CEP63: variants seen among roughly 807,000 people sequenced by gnomAD.
CEP63 encodes centrosomal protein of 63 kDa.
A neutral mutation model predicts 89.1 loss-of-function variants in CEP63; 84 were observed. That is an observed-to-expected ratio of 0.94 (90% CI 0.79 to 1.13). The LOEUF (loss-of-function observed/expected upper bound fraction) is 1.13. CEP63 is among the 50% of genes most tolerant of loss of function. CEP63 has a pLI of 0.00. For missense variants in CEP63, 838 were observed against 813.3 expected (o/e 1.03, Z -0.37); for synonymous variants, 267 against 272.5 (o/e 0.98, Z 0.20).
At chr3:134,625,589 G>C in the CEP63 span, among the ~76,000 whole-genome samples, 1 of 152,236 alleles carries the variant, frequency 6.6e-6, no homozygotes, top group Non-Finnish European at 1.5e-5. Flanking sequence ...CTGTGCCACA[G>C]CCACGGCCCT....
chr3:134,757,486 G>A, the CEP63 span, among the ~76,000 whole-genome samples: 145,804 of 152,314 alleles, frequency 0.96, 70,062 homozygotes, highest in East Asian at 1. Flanking sequence ...CTGCAATTCA[G>A]TAATACTTAT....
intron 8 of CEP63, 141 bp downstream of exon 8, chr3:134,546,429 G>C: frequency 4.0e-6 from 3 of 758,604 alleles, no homozygotes; most frequent in Non-Finnish European, 2.0e-6. Context: ...TGCAATCTCA[G>C]CTCACTGCAA....
the CEP63 span, among the ~76,000 whole-genome samples, chr3:134,754,696 T>C: frequency 6.6e-6 from 1 of 152,210 alleles, no homozygotes; most frequent in Non-Finnish European, 1.5e-5. Context: ...ATTTTCTGTG[T>C]TCTACAAAGT....
the CEP63 span, among the ~76,000 whole-genome samples, chr3:134,694,091 C>A: frequency 4.6e-4 from 70 of 152,340 alleles, no homozygotes; most frequent in African/African-American, 1.6e-3. Context: ...GAAAGGAAAG[C>A]CTCCAGCCTC....
the CEP63 span, among the ~76,000 whole-genome samples, chr3:134,776,751 T>C: frequency 6.6e-6 from 1 of 151,950 alleles, no homozygotes; most frequent in Non-Finnish European, 1.5e-5. Flanking sequence ...TTCTCCAGAG[T>C]TGGAGGTCAT....
chr3:134,559,362 C>A lies in CEP63; in HGVS notation c.1886C>A (p.Thr629Lys), dbSNP rs1956920740. Residue 629 changes from threonine to lysine, a missense_variant, in exon 14 of 15, where the codon ACA becomes AAA. Coordinates refer to ENST00000675561, the MANE Select transcript of CEP63 (RefSeq NM_001353108.3). ...KTHSLPSALD[T>K]NEANFSDTMS... ...CATTCTTTGCCTTCAGCGCTAGATA[C>A]AAATGAAGCCAATTTTTCTGACACT... 7 of 1,613,888 alleles carry A rather than the reference C, an allele frequency of 4.3e-6. No individual in the cohort carries two copies. Among genetic ancestry groups the A allele is most frequent in the South Asian group, 1.1e-5 (1 of 91,088 alleles).
chr3:134,721,538 T>G, the CEP63 span, among the ~76,000 whole-genome samples: 1 of 152,160 alleles, frequency 6.6e-6, no homozygotes. Context: ...ATCCTTAACT[T>G]GTTCCTGATC....
the CEP63 span, among the ~76,000 whole-genome samples, chr3:134,664,456 C>T: frequency 2.5e-4 from 38 of 152,146 alleles, no homozygotes; most frequent in African/African-American, 4.6e-4. Flanking sequence ...ACCTCACACT[C>T]GGGGCTTCTC....
At chr3:134,656,791 G>C in the CEP63 span, among the ~76,000 whole-genome samples, 1 of 152,138 alleles carries the variant, frequency 6.6e-6, no homozygotes, top group East Asian at 1.9e-4. Context: ...AGACTCAGGC[G>C]ACCCATCTGG....
intron 10 of CEP63, among the ~76,000 whole-genome samples, chr3:134,581,991 A>G (rs1958367715): frequency 6.6e-6 from 1 of 152,116 alleles, no homozygotes; most frequent in Non-Finnish European, 1.5e-5. Context: ...ATTTTTTTAA[A>G]CCAGAAATAG....
chr3:134,520,453 G>A (rs753760980), intron 3 of CEP63, among the ~76,000 whole-genome samples: 3 of 152,068 alleles, frequency 2.0e-5, no homozygotes, highest in East Asian at 3.8e-4. Context: ...TGGATAGAAA[G>A]ACTCAATATT....
At chr3:134,545,276 G>A (rs548999402) in intron 6 of CEP63, among the ~76,000 whole-genome samples, 29 of 151,960 alleles carry the variant, frequency 1.9e-4, no homozygotes, top group African/African-American at 6.8e-4. Context: ...GATTACAGGC[G>A]TGATCCACTG....
the CEP63 span, among the ~76,000 whole-genome samples, chr3:134,649,210 G>A: frequency 6.6e-6 from 1 of 152,194 alleles, no homozygotes; most frequent in Non-Finnish European, 1.5e-5. Flanking sequence ...AGCAGAAAGG[G>A]CCCAGCCATT....
the CEP63 span, chr3:134,650,930 A>T: frequency 6.2e-7 from 1 of 1,613,310 alleles, no homozygotes; most frequent in African/African-American, 1.3e-5. Context: ...ATGTCGATAG[A>T]TACAGCGTTG....
At chr3:134,673,463 C>T in the CEP63 span, among the ~76,000 whole-genome samples, 1 of 152,136 alleles carries the variant, frequency 6.6e-6, no homozygotes, top group African/African-American at 2.4e-5. Flanking sequence ...ATGGCTCTCT[C>T]ACTACCTCCC....
the CEP63 span, among the ~76,000 whole-genome samples, chr3:134,709,373 T>C: frequency 1.3e-5 from 2 of 151,760 alleles, no homozygotes; most frequent in Non-Finnish European, 1.5e-5. Context: ...GCCAAGTTGA[T>C]AGTCCTAGAA....
At chr3:134,620,827 C>G in the CEP63 span, 8 of 1,613,044 alleles carry the variant, frequency 5.0e-6, no homozygotes, top group Non-Finnish European at 6.8e-6. Context: ...AGGTCACTCA[C>G]CAGTTCGTCT....
At chr3:134,713,310 T>A in the CEP63 span, among the ~76,000 whole-genome samples, 1 of 152,186 alleles carries the variant, frequency 6.6e-6, no homozygotes, top group African/African-American at 2.4e-5. Context: ...CATTTCCCCT[T>A]GCTAGCAATT....
chr3:134,702,514 A>G, the CEP63 span, among the ~76,000 whole-genome samples: 1 of 152,218 alleles, frequency 6.6e-6, no homozygotes, highest in Non-Finnish European at 1.5e-5. Context: ...TGGTACTGGT[A>G]CAAGAGCAGA....
Sources: gnomAD v4.1 joint callset for allele counts (sites outside exome capture counted in the v4.1 genomes callset) on GRCh38, gnomAD v4.1.1 for gene constraint, MANE v1.5 for transcripts, NCBI Gene and HGNC (gene_info 2026-07-23, HGNC 2026-07-21) for gene names.